Variants in CCDC172 observed in about 807,000 individuals in gnomAD.
The protein encoded by CCDC172 is coiled-coil domain-containing protein 172.
A neutral mutation model predicts 38.0 loss-of-function variants in CCDC172; 30 were observed. The ratio of observed to expected loss-of-function variants is 0.79; its 90% confidence interval spans 0.59 to 1.07. CCDC172 has a LOEUF of 1.07. CCDC172 is among the 50% of genes least tolerant of loss of function. CCDC172 has a pLI of 0.00. For synonymous variants in CCDC172, 78 were observed against 88.3 expected, an observed-to-expected ratio of 0.88 and a Z score of 0.66; for missense variants, 297 against 290.1, an observed-to-expected ratio of 1.02 and a Z score of -0.17.
intron 5 of CCDC172, among the ~76,000 whole-genome samples, chr10:116,350,041 C>A (rs1008734597): frequency 1.3e-5 from 2 of 152,118 alleles, no homozygotes; most frequent in African/African-American, 4.8e-5. Flanking sequence ...TGTGCCTAAT[C>A]ATTTTTTGAG....
At position 116,342,211 on chromosome 10, in the gene CCDC172, A is replaced by C. The variant is rs774315344; in HGVS notation, c.448+10A>C. ...AACATGTTGAAAAGTGGTATGAATA[A>C]ATATCACCTCATTTGTCTTGCATTA... On this transcript the variant is annotated intron_variant, in intron 5 of 8. Coordinates refer to ENST00000333254, the MANE Select transcript of CCDC172 (RefSeq NM_198515.3). The C allele has an allele frequency of 6.6e-7, 1 of 1,519,454 alleles. No homozygotes were observed. Among genetic ancestry groups the C allele is most frequent in the Non-Finnish European group, 8.7e-7 (1 of 1,144,726 alleles). 94.1% of individuals were successfully genotyped at this position (1,519,454 alleles called of 1,614,324 possible).
chr10:116,367,600 G>T (rs1425011260), intron 7 of CCDC172, among the ~76,000 whole-genome samples: 2 of 152,018 alleles, frequency 1.3e-5, no homozygotes, highest in East Asian at 3.9e-4. Flanking sequence ...TGAGGCAGGA[G>T]AATGGTGTGA....
chr10:116,370,133 T>C (rs779054627), intron 7 of CCDC172, among the ~76,000 whole-genome samples: 1 of 150,800 alleles, frequency 6.6e-6, no homozygotes, highest in Non-Finnish European at 1.5e-5. Context: ...GCAAATATTT[T>C]CTTATGGTTT....
intron 7 of CCDC172, among the ~76,000 whole-genome samples, chr10:116,371,181 T>G (rs1248844419): frequency 6.6e-6 from 1 of 151,878 alleles, no homozygotes; most frequent in African/African-American, 2.4e-5. Context: ...GGGATTGACA[T>G]ATGTATTTTT....
intron 7 of CCDC172, among the ~76,000 whole-genome samples, chr10:116,368,925 T>C (rs1565723820): frequency 6.6e-6 from 1 of 151,984 alleles, no homozygotes; most frequent in African/African-American, 2.4e-5. Flanking sequence ...CTCAATTATA[T>C]CAATGTAATT....
chr10:116,335,996 G>A (rs149485716), intron 3 of CCDC172, among the ~76,000 whole-genome samples: 2,702 of 151,834 alleles, frequency 0.018, 70 homozygotes, highest in African/African-American at 0.062. Flanking sequence ...GCGAAACCCT[G>A]TCTCTACTAA....
chr10:116,350,782 G>A (rs1443006897), intron 5 of CCDC172, among the ~76,000 whole-genome samples: 1 of 152,184 alleles, frequency 6.6e-6, no homozygotes, highest in Non-Finnish European at 1.5e-5. Flanking sequence ...GATTGTCTTA[G>A]TTGGTTTAAT....
chr10:116,379,227 C>T, intron 8 of CCDC172, 96 bp from the exon 9 acceptor site: 2 of 590,578 alleles, frequency 3.4e-6, no homozygotes, highest in Admixed American at 3.7e-5. Flanking sequence ...AAGAAATGCC[C>T]AGAATTTATT....
chr10:116,351,781 C>G (rs1324237052), intron 5 of CCDC172, among the ~76,000 whole-genome samples: 2 of 152,152 alleles, frequency 1.3e-5, no homozygotes, highest in African/African-American at 4.8e-5. Context: ...TTGCCCAAGC[C>G]TTCTCACTGG....
chr10:116,375,791 G>T (rs1845237656), intron 7 of CCDC172, among the ~76,000 whole-genome samples: 1 of 152,060 alleles, frequency 6.6e-6, no homozygotes, highest in African/African-American at 2.4e-5. Context: ...CATTATCACT[G>T]GTCATTAGAG....
chr10:116,350,994 G>A (rs1422780654), intron 5 of CCDC172, among the ~76,000 whole-genome samples: 1 of 152,022 alleles, frequency 6.6e-6, no homozygotes, highest in African/African-American at 2.4e-5. Context: ...TGTTCTATAA[G>A]CCTGATAAGA....
In CCDC172 at chr10:116,357,486, T is replaced by C; in HGVS notation, c.550+5T>C. ...CTCTCCAAAGAAAACTTAAAGGTAT[T>C]ACCTTCATGAGTTAGCTTATTTTGC... is the stretch of plus-strand genomic sequence containing the variant. On this transcript the variant is annotated splice_donor_5th_base_variant and intron_variant, in intron 6 of 8. Coordinates refer to ENST00000333254, the MANE Select transcript of CCDC172 (RefSeq NM_198515.3). The C allele has an allele frequency of 2.0e-6, 3 of 1,535,548 alleles. No homozygotes were observed. Among genetic ancestry groups the C allele is most frequent in the Non-Finnish European group, 2.6e-6 (3 of 1,140,346 alleles).
chr10:116,377,907 G>T (rs573066739), intron 7 of CCDC172, among the ~76,000 whole-genome samples: 1 of 152,102 alleles, frequency 6.6e-6, no homozygotes, highest in South Asian at 2.1e-4. Context: ...TCAGCTGGGC[G>T]TGGTGGCTAA....
intron 4 of CCDC172, among the ~76,000 whole-genome samples, chr10:116,341,677 C>T (rs534348014): frequency 6.6e-6 from 1 of 151,760 alleles, no homozygotes; most frequent in South Asian, 2.1e-4. Flanking sequence ...TTTAGTTTTT[C>T]AGTTTGGCCA....
intron 3 of CCDC172, among the ~76,000 whole-genome samples, chr10:116,338,135 T>G (rs1844752200): frequency 6.6e-6 from 1 of 152,312 alleles, no homozygotes; most frequent in East Asian, 1.9e-4. Flanking sequence ...TTCTGCAACC[T>G]TGATCTGTTG....
chr10:116,351,163 T>G (rs535931507), intron 5 of CCDC172, among the ~76,000 whole-genome samples: 48 of 152,194 alleles, frequency 3.2e-4, no homozygotes, highest in Non-Finnish European at 2.9e-4. Flanking sequence ...AAAGATTTTC[T>G]TGTGATAGAA....
At chr10:116,330,617 A>G (rs1844650069) in intron 3 of CCDC172, among the ~76,000 whole-genome samples, 1 of 152,208 alleles carries the variant, frequency 6.6e-6, no homozygotes, top group Non-Finnish European at 1.5e-5. Flanking sequence ...AATATGCACA[A>G]TCATTTCCAA....
intron 5 of CCDC172, among the ~76,000 whole-genome samples, chr10:116,349,906 G>A (rs1282351038): frequency 1.3e-5 from 2 of 152,140 alleles, no homozygotes; most frequent in East Asian, 1.9e-4. Flanking sequence ...TCCAGGGAAA[G>A]CCTCATTAAT....
At position 116,342,216 on chromosome 10, in the gene CCDC172, C is replaced by A. The variant is rs1331031631; in HGVS notation, c.448+15C>A. ...GTTGAAAAGTGGTATGAATAAATAT[C>A]ACCTCATTTGTCTTGCATTAATGAA... is the stretch of plus-strand genomic sequence containing the variant. On this transcript the variant is annotated intron_variant, in intron 5 of 8. Transcript: ENST00000333254. The A allele has an allele frequency of 6.6e-7, 1 of 1,516,928 alleles. No homozygotes were observed. Among genetic ancestry groups the A allele is most frequent in the Non-Finnish European group, 8.7e-7 (1 of 1,143,530 alleles). 94.0% of individuals were successfully genotyped at this position (1,516,928 alleles called of 1,614,324 possible). A position where few individuals can be genotyped will look rare whatever the true frequency, so the allele number is the denominator to read the frequency against.
Sources: allele counts gnomAD v4.1 joint callset (sites outside exome capture counted in the v4.1 genomes callset), GRCh38; gene constraint gnomAD v4.1.1; transcripts MANE v1.5; gene names NCBI Gene and HGNC (gene_info 2026-07-23, HGNC 2026-07-21).